B4GALT6: variants seen among roughly 807,000 people sequenced by gnomAD.
B4GALT6 encodes the protein UDP-Gal:beta-GlcNAc beta-1,4-galactosyltransferase 6.
B4GALT6 carries 14 observed loss-of-function variants against 46.3 expected under a neutral mutation model. The ratio of observed to expected loss-of-function variants is 0.30; its 90% CI spans 0.20 to 0.47. B4GALT6 has a LOEUF of 0.47. Ranked by LOEUF, B4GALT6 falls within the 20% of genes least tolerant of loss-of-function variation. The pLI, the probability that B4GALT6 is intolerant of heterozygous loss-of-function variation, is 0.99. For missense variants in B4GALT6, 386 were observed against 480.1 expected (o/e 0.80, Z 1.83); for synonymous variants, 168 against 162.0 (o/e 1.04, Z -0.28).
At position 31,631,155 on chromosome 18, in the gene B4GALT6, A is replaced by G. The variant is rs1428911194; in HGVS notation, c.589-9T>C. 1.3e-6 allele frequency: 2 copies of G among 1,589,622 alleles called. No homozygotes were observed. The highest frequency in any genetic ancestry group is 3.6e-5 in the Admixed American group (2 of 54,812). On this transcript the variant is annotated splice_polypyrimidine_tract_variant and intron_variant, in intron 5 of 8. Transcript: ENST00000306851. ...AAAGGTTGTGTGCCAGTCTTCATGGAGCAGACCGAGAGAAAAAAATAGAAA... is the reference window on the plus strand; with the variant it reads ...AAAGGTTGTGTGCCAGTCTTCATGGGGCAGACCGAGAGAAAAAAATAGAAA...
chr18:31,672,770 G>A (rs2074371154), intron 1 of B4GALT6, among the ~76,000 whole-genome samples: 2 of 152,186 alleles, frequency 1.3e-5, no homozygotes, highest in Admixed American at 6.5e-5. Context: ...ACTTGCCACA[G>A]GTCACAGAGT....
intron 3 of B4GALT6, among the ~76,000 whole-genome samples, chr18:31,650,720 A>C (rs1388941987): frequency 1.3e-5 from 2 of 152,160 alleles, no homozygotes; most frequent in African/African-American, 4.8e-5. Flanking sequence ...AAGAACCCTG[A>C]CTTTTGCAGT....
At chr18:31,626,532 A>G (rs2073700040) in intron 7 of B4GALT6, 148 bp from the exon 8 acceptor site, 1 of 480,196 alleles carries the variant, frequency 2.1e-6, no homozygotes, top group African/African-American at 2.0e-5. Context: ...ATGGCCTGTT[A>G]AAAACTGGGC....
chr18:31,666,452 GA>G (rs2074283802), intron 1 of B4GALT6, 80 bp from the exon 2 acceptor site: 2 of 562,206 alleles, frequency 3.6e-6, no homozygotes, highest in African/African-American at 1.9e-5. Flanking sequence ...CAGAATTGGG[GA>G]AGTGCCCAAT....
rs138497393 is a variant in B4GALT6 at position 31,656,453 on chromosome 18, T to TTC, written c.346+1521_346+1522dup. ...AAAGCTAAAATAATAGCCGTGTGGCTTCTGAGTGTTGACAGTACAGTATAG... is the reference window on the plus strand; with the variant it reads ...AAAGCTAAAATAATAGCCGTGTGGCTTCTCTGAGTGTTGACAGTACAGTATAG... On this transcript the variant is annotated intron_variant, in intron 3 of 8. Transcript: ENST00000306851. 5.8e-3 allele frequency among the ~76,000 whole-genome samples: 877 copies of TTC among 152,210 alleles called. 10 individuals are homozygous for TTC. The highest frequency in any genetic ancestry group is 0.02 in the African/African-American group (840 of 41,570).
the B4GALT6 span, among the ~76,000 whole-genome samples, chr18:31,721,178 G>A: frequency 6.7e-6 from 1 of 149,620 alleles, no homozygotes; most frequent in African/African-American, 2.5e-5. Context: ...GTCCACCGGG[G>A]CCTGTCGGGG....
At chr18:31,634,917 T>A (rs1238891809) in intron 5 of B4GALT6, among the ~76,000 whole-genome samples, 2 of 152,134 alleles carry the variant, frequency 1.3e-5, no homozygotes, top group Non-Finnish European at 2.9e-5. Flanking sequence ...ATACACCAAA[T>A]AACTGGTGCT....
At chr18:31,648,583 T>C (rs2074021481) in intron 3 of B4GALT6, among the ~76,000 whole-genome samples, 1 of 152,236 alleles carries the variant, frequency 6.6e-6, no homozygotes, top group African/African-American at 2.4e-5. Flanking sequence ...ACATTTACTA[T>C]ATCCTAATGC....
At chr18:31,668,904 G>A (rs973815383) in intron 1 of B4GALT6, among the ~76,000 whole-genome samples, 3 of 151,530 alleles carry the variant, frequency 2.0e-5, no homozygotes, top group Non-Finnish European at 2.9e-5. Context: ...CCAGCTACTC[G>A]GGAGGCTGAG....
chr18:31,648,015 T>C (rs1048180024), intron 3 of B4GALT6, among the ~76,000 whole-genome samples: 4 of 152,122 alleles, frequency 2.6e-5, no homozygotes, highest in African/African-American at 9.7e-5. Flanking sequence ...GAAAACCACC[T>C]GCTATGAATG....
chr18:31,695,564 ACAATG>A, the B4GALT6 span, among the ~76,000 whole-genome samples: 1 of 152,200 alleles, frequency 6.6e-6, no homozygotes, highest in African/African-American at 2.4e-5. Flanking sequence ...TTTTCAACCA[ACAATG>A]CATAGACACA....
At chr18:31,701,337 C>T in the B4GALT6 span, among the ~76,000 whole-genome samples, 3 of 152,220 alleles carry the variant, frequency 2.0e-5, no homozygotes, top group Non-Finnish European at 4.4e-5. Context: ...GCTTCTCCTG[C>T]ACCTTCCATC....
At chr18:31,673,976 G>A (rs1431291328) in intron 1 of B4GALT6, among the ~76,000 whole-genome samples, 1 of 152,098 alleles carries the variant, frequency 6.6e-6, no homozygotes, top group Non-Finnish European at 1.5e-5. Flanking sequence ...TGAAGACAGA[G>A]GCAGTGATGT....
chr18:31,646,092 C>G (rs2073987578), intron 3 of B4GALT6, among the ~76,000 whole-genome samples: 1 of 152,192 alleles, frequency 6.6e-6, no homozygotes, highest in African/African-American at 2.4e-5. Context: ...CAAATGTTAG[C>G]TACTATTACT....
intron 1 of B4GALT6, among the ~76,000 whole-genome samples, chr18:31,674,182 C>A (rs188686411): frequency 6.6e-6 from 1 of 152,268 alleles, no homozygotes; most frequent in East Asian, 1.9e-4. Flanking sequence ...ACGACAGGTA[C>A]AACTTTCTCC....
intron 3 of B4GALT6, among the ~76,000 whole-genome samples, chr18:31,655,407 A>T (rs1398310005): frequency 6.6e-6 from 1 of 152,186 alleles, no homozygotes; most frequent in African/African-American, 2.4e-5. Flanking sequence ...ATCCTCTCTT[A>T]TAAAAGAATG....
At chr18:31,648,858 A>C (rs1443478675) in intron 3 of B4GALT6, among the ~76,000 whole-genome samples, 1 of 152,248 alleles carries the variant, frequency 6.6e-6, no homozygotes, top group East Asian at 1.9e-4. Context: ...CAATAGTTTT[A>C]AATAACTATT....
intron 4 of B4GALT6, among the ~76,000 whole-genome samples, chr18:31,640,783 T>C (rs540060692): frequency 6.6e-6 from 1 of 152,184 alleles, no homozygotes; most frequent in Non-Finnish European, 1.5e-5. Flanking sequence ...TGGAACTATA[T>C]ACTGAGGGGC....
intron 5 of B4GALT6, among the ~76,000 whole-genome samples, chr18:31,633,992 G>A (rs1055532927): frequency 6.6e-6 from 1 of 152,194 alleles, no homozygotes; most frequent in Non-Finnish European, 1.5e-5. Context: ...CTGATAAAGT[G>A]ACAGGCTGGC....
Sources: gnomAD v4.1 joint callset for allele counts (sites outside exome capture counted in the v4.1 genomes callset) on GRCh38, gnomAD v4.1.1 for gene constraint, MANE v1.5 for transcripts, NCBI Gene and HGNC (gene_info 2026-07-23, HGNC 2026-07-21) for gene names.